The following NPHS2 variants were observed in gnomAD, a reference collection of about 807,000 sequenced individuals.
NPHS2 encodes the protein podocin.
NPHS2 carries 36 observed loss-of-function variants against 37.1 expected under a neutral mutation model. The ratio of observed to expected loss-of-function variants is 0.97; its 90% confidence interval spans 0.74 to 1.28. The LOEUF is 1.28. NPHS2 is among the 50% of genes most tolerant of loss of function. NPHS2 has a pLI of 0.00. For missense variants in NPHS2, 447 were observed against 488.1 expected, an observed-to-expected ratio of 0.92 and a Z score of 0.79; for synonymous variants, 196 against 189.3, an observed-to-expected ratio of 1.04 and a Z score of -0.29.
intron 1 of NPHS2, among the ~76,000 whole-genome samples, chr1:179,566,353 G>T (rs1291066934): frequency 6.6e-6 from 1 of 152,208 alleles, no homozygotes; most frequent in African/African-American, 2.4e-5. Flanking sequence ...TCTGTTGGCT[G>T]CATAGATGTC....
Position 179,550,983 on chromosome 1 carries a change from T to C in NPHS2, c.*190A>G. The C allele has an allele frequency of 7.4e-6, 5 of 675,742 alleles. No individual in the cohort carries two copies. The highest frequency in any genetic ancestry group is 1.3e-5 in the Non-Finnish European group (5 of 395,312). 41.9% of individuals were successfully genotyped at this position (675,742 alleles called of 1,614,324 possible). On this transcript the variant is annotated 3_prime_UTR_variant, in exon 8 of 8. Coordinates refer to ENST00000367615, the MANE Select transcript of NPHS2 (RefSeq NM_014625.4). ...TGACTAGATGAGTCACGGAAACATG[T>C]TGTCTGCCTTCTCTGTCATTACATC...
rs373620335 is a variant in NPHS2, at chr1:179,555,987, C to G, written c.738+1040G>C. Among the ~76,000 whole-genome samples, 4 of 152,250 alleles carry G rather than the reference C, an allele frequency of 2.6e-5. No individual in the cohort carries two copies. The East Asian group carries it at 5.8e-4, about 22-fold the overall frequency. ...TGGTTTGACAATTTTCGACTTTTAT[C>G]ATGGGTTTATTAGGATACATGCATT... is the stretch of plus-strand genomic sequence containing the variant. On this transcript the variant is annotated intron_variant, in intron 5 of 7. Coordinates refer to ENST00000367615, the MANE Select transcript of NPHS2 (RefSeq NM_014625.4).
intron 1 of NPHS2, among the ~76,000 whole-genome samples, chr1:179,572,492 G>C (rs1158451587): frequency 6.6e-6 from 1 of 152,168 alleles, no homozygotes. Context: ...TTGGGGTCTT[G>C]TCTTATTTAC....
intron 3 of NPHS2, among the ~76,000 whole-genome samples, chr1:179,560,790 G>A (rs1031816373): frequency 6.6e-6 from 1 of 152,122 alleles, no homozygotes; most frequent in Admixed American, 6.5e-5. Context: ...TTAAGGTCCT[G>A]AGATCAGAGA....
At chr1:179,559,631 A>C in intron 4 of NPHS2, 48 bp downstream of exon 4, 2 of 1,165,080 alleles carry the variant, frequency 1.7e-6, no homozygotes, top group South Asian at 2.6e-5. Context: ...CACGGTAGGT[A>C]GACCATGGAA....
intron 1 of NPHS2, among the ~76,000 whole-genome samples, chr1:179,573,255 C>G (rs757618986): frequency 1.3e-5 from 2 of 152,162 alleles, no homozygotes; most frequent in Non-Finnish European, 2.9e-5. Context: ...AAGAAGAGGA[C>G]AGAGATGCAA....
chr1:179,570,604 C>A (rs553215003), intron 1 of NPHS2, among the ~76,000 whole-genome samples: 101 of 152,286 alleles, frequency 6.6e-4, no homozygotes, highest in Non-Finnish European at 1.3e-3. Context: ...GCGTTAGGGC[C>A]ATTATGAACA....
Position 179,551,215 on chromosome 1 carries a change from A to G in NPHS2, c.1110T>C (p.Val370=). 1 of 1,614,112 alleles carries G rather than the reference A, an allele frequency of 6.2e-7. No homozygotes were observed. The highest frequency in any genetic ancestry group is 8.5e-7 in the Non-Finnish European group (1 of 1,180,016). ...CTTTCTTTTTAGGATTTAGTGGCTC[A>G]ACAGGTTTGGAAGGACTTGGGAAGG... ...SLPFPSPSKP[V]EPLNPKKKDS... Residue 370 remains valine, a synonymous_variant, in exon 8 of 8, where the codon GTT becomes GTC. Coordinates refer to ENST00000367615, the MANE Select transcript of NPHS2 (RefSeq NM_014625.4).
chr1:179,557,935 A>G (rs529630077), intron 4 of NPHS2, among the ~76,000 whole-genome samples: 24 of 152,164 alleles, frequency 1.6e-4, no homozygotes, highest in African/African-American at 2.6e-4. Flanking sequence ...ATATGTGTGT[A>G]TATATATATA....
intron 2 of NPHS2, among the ~76,000 whole-genome samples, chr1:179,562,630 T>TA (rs1370889075): frequency 6.6e-6 from 1 of 152,230 alleles, no homozygotes; most frequent in African/African-American, 2.4e-5. Flanking sequence ...CAGGATCTAC[T>TA]AACCCACTGT....
At chr1:179,570,377 A>G (rs1674505968) in intron 1 of NPHS2, among the ~76,000 whole-genome samples, 2 of 152,218 alleles carry the variant, frequency 1.3e-5, no homozygotes, top group South Asian at 2.1e-4. Context: ...TTCTATAGAT[A>G]TTAAATTAAC....
intron 1 of NPHS2, among the ~76,000 whole-genome samples, chr1:179,565,231 A>T (rs901260545): frequency 6.6e-6 from 1 of 152,144 alleles, no homozygotes; most frequent in Admixed American, 6.5e-5. Context: ...TTATGACTGC[A>T]CCACTGTACT....
At chr1:179,560,963 T>C (rs902793613) in intron 3 of NPHS2, among the ~76,000 whole-genome samples, 2 of 152,230 alleles carry the variant, frequency 1.3e-5, no homozygotes, top group Non-Finnish European at 2.9e-5. Context: ...TCAGCTTTTC[T>C]CTGAGAATTC....
chr1:179,552,857 G>A (rs1019931294), intron 6 of NPHS2, among the ~76,000 whole-genome samples, 176 bp from the exon 7 acceptor site: 4 of 152,184 alleles, frequency 2.6e-5, no homozygotes, highest in South Asian at 4.1e-4. Context: ...CTCCAAGGTC[G>A]ATGCCTCAAA....
chr1:179,558,076 C>T (rs1418076061), intron 4 of NPHS2, among the ~76,000 whole-genome samples: 1 of 151,888 alleles, frequency 6.6e-6, no homozygotes, highest in East Asian at 1.9e-4. Flanking sequence ...TGTTAAAATA[C>T]ATATACCATA....
intron 3 of NPHS2, 121 bp from the exon 4 acceptor site, chr1:179,559,882 T>C: frequency 4.6e-6 from 3 of 647,740 alleles, no homozygotes; most frequent in Non-Finnish European, 8.7e-6. Flanking sequence ...TACAGACCAT[T>C]GGCCCATCCC....
chr1:179,560,624 C>G (rs1048245916), intron 3 of NPHS2, among the ~76,000 whole-genome samples: 4 of 151,852 alleles, frequency 2.6e-5, no homozygotes, highest in Admixed American at 6.6e-5. Context: ...GAACTCAGAC[C>G]CTCTCCAATA....
At position 179,556,011 on chromosome 1, in the gene NPHS2, T is replaced by C. The variant is rs1673907851; in HGVS notation, c.738+1016A>G. Among the ~76,000 whole-genome samples the C allele has an allele frequency of 6.6e-6, 1 of 152,224 alleles. No homozygotes were observed. The highest frequency in any genetic ancestry group is 1.5e-5 in the Non-Finnish European group (1 of 68,046). ...TCATGGGTTTATTAGGATACATGCA[T>C]TTTTGACTTACGATATTTTTTGCTT... On this transcript the variant is annotated intron_variant, in intron 5 of 7. Coordinates refer to ENST00000367615, the MANE Select transcript of NPHS2 (RefSeq NM_014625.4). This position sits in a 1 kb window ranked among gnomAD's most constrained non-coding sequence, Gnocchi z 4.1.
In NPHS2 at chr1:179,556,610, C is replaced by T. The variant is rs1477923548; in HGVS notation, c.738+417G>A. ...TTGTTATCTGGAAGTCTTATTTGAACTTATTATTTAACTTGGCACTCATTA... is the reference window on the plus strand; with the variant it reads ...TTGTTATCTGGAAGTCTTATTTGAATTTATTATTTAACTTGGCACTCATTA... On this transcript the variant is annotated intron_variant, in intron 5 of 7. Coordinates refer to ENST00000367615, the MANE Select transcript of NPHS2 (RefSeq NM_014625.4). The surrounding 1 kb of genome is among the most constrained non-coding windows in gnomAD (Gnocchi z 4.1). Among the ~76,000 whole-genome samples, 2 of 152,130 alleles carry T rather than the reference C, an allele frequency of 1.3e-5. No individual in the cohort carries two copies. The highest frequency in any genetic ancestry group is 4.8e-5 in the African/African-American group (2 of 41,416).
Sources: gnomAD v4.1 joint callset for allele counts (sites outside exome capture counted in the v4.1 genomes callset) on GRCh38, gnomAD v4.1.1 for gene constraint, Gnocchi (gnomAD v3.1) non-coding constraint, MANE v1.5 for transcripts, NCBI Gene and HGNC (gene_info 2026-07-23, HGNC 2026-07-21) for gene names.